UNC13C: variants seen among roughly 807,000 people sequenced by gnomAD.
UNC13C encodes unc-13 homolog C.
Under a neutral mutation model 245.4 loss-of-function variants are expected in UNC13C, and 174 were observed. That is an observed-to-expected ratio of 0.71 (90% CI 0.63 to 0.80). The LOEUF (loss-of-function observed/expected upper bound fraction) is 0.80. Among genes scored for constraint, UNC13C ranks in the 30% least tolerant of loss-of-function variants. The pLI is 0.00. For missense variants in UNC13C, 2,829 were observed against 2,602.9 expected (o/e 1.09, Z -1.89); for synonymous variants, 992 against 895.1 (o/e 1.11, Z -1.93).
At chr15:54,600,485 C>T (rs559558160) in intron 30 of UNC13C, among the ~76,000 whole-genome samples, 10 of 152,168 alleles carry the variant, frequency 6.6e-5, no homozygotes, top group South Asian at 4.2e-4. Context: ...ACAAGATGAG[C>T]TCAGCTAGAT....
intron 2 of UNC13C, among the ~76,000 whole-genome samples, chr15:54,064,853 G>A (rs1425707473): frequency 1.3e-5 from 2 of 152,198 alleles, no homozygotes; most frequent in African/African-American, 4.8e-5. Flanking sequence ...CCATCATCAT[G>A]TAAGAAAGCT....
At chr15:53,952,715 T>G in the UNC13C span, among the ~76,000 whole-genome samples, 1 of 152,194 alleles carries the variant, frequency 6.6e-6, no homozygotes, top group South Asian at 2.1e-4. Flanking sequence ...TGGCACTTGA[T>G]TGAAGCTAGG....
chr15:54,370,376 C>CTAAA (rs1228871146), intron 17 of UNC13C, among the ~76,000 whole-genome samples: 1 of 152,086 alleles, frequency 6.6e-6, no homozygotes, highest in Non-Finnish European at 1.5e-5. Flanking sequence ...ATTTAGTTCA[C>CTAAA]TAAATACCTC....
intron 2 of UNC13C, among the ~76,000 whole-genome samples, chr15:54,111,144 C>T (rs76519667): frequency 0.021 from 3,175 of 152,264 alleles, 96 homozygotes; most frequent in African/African-American, 0.069. Context: ...TCACTTCTGA[C>T]TTTACTCTTG....
chr15:53,990,610 T>G lies in UNC13C; in HGVS notation c.-257+11683T>G, dbSNP rs531562156. 1.7e-4 allele frequency among the ~76,000 whole-genome samples: 26 copies of G among 152,164 alleles called. No individual in the cohort carries two copies. In the South Asian group the frequency reaches 4.3e-3, roughly 25 times the overall value. ...AACCCCCTTCCAAAACCTAAAAAATTTCTTTATACTTTCGCTTTTATAGTT... is the reference window on the plus strand; with the variant it reads ...AACCCCCTTCCAAAACCTAAAAAATGTCTTTATACTTTCGCTTTTATAGTT... On this transcript the variant is annotated intron_variant, in intron 1 of 32. Coordinates refer to ENST00000260323, the MANE Select transcript of UNC13C (RefSeq NM_001080534.3).
At chr15:53,861,313 GT>G in the UNC13C span, among the ~76,000 whole-genome samples, 3 of 152,054 alleles carry the variant, frequency 2.0e-5, no homozygotes, top group Non-Finnish European at 4.4e-5. Flanking sequence ...TTATTATTCA[GT>G]CTTTGTGTTT....
intron 17 of UNC13C, among the ~76,000 whole-genome samples, chr15:54,350,175 A>C (rs2038950577): frequency 6.6e-6 from 1 of 152,126 alleles, no homozygotes; most frequent in Non-Finnish European, 1.5e-5. Context: ...TATTTTTAGT[A>C]CTGACGGGGT....
rs192111710 is a variant in UNC13C, at chr15:54,370,632, A to C, written c.4714-22416A>C. Among the ~76,000 whole-genome samples the C allele has an allele frequency of 2.1e-3, 313 of 152,244 alleles. 1 individual carries two copies. The highest frequency in any genetic ancestry group is 2.9e-4 in the Non-Finnish European group (20 of 67,980). ...ATAAAACATGAATATGGTATTTTCT[A>C]GCTGATCATTCTGATTTCTAATCTG... On this transcript the variant is annotated intron_variant, in intron 17 of 32. Coordinates refer to ENST00000260323, the MANE Select transcript of UNC13C (RefSeq NM_001080534.3).
intron 30 of UNC13C, among the ~76,000 whole-genome samples, chr15:54,602,198 T>A (rs932449439): frequency 2.6e-5 from 4 of 152,226 alleles, no homozygotes; most frequent in African/African-American, 9.6e-5. Context: ...CATGGAGTTG[T>A]GCAGCCTGGA....
At chr15:53,939,351 C>T in the UNC13C span, among the ~76,000 whole-genome samples, 1 of 152,076 alleles carries the variant, frequency 6.6e-6, no homozygotes, top group Non-Finnish European at 1.5e-5. Context: ...AATAAATACT[C>T]TACCAACCAA....
intron 25 of UNC13C, among the ~76,000 whole-genome samples, chr15:54,532,090 G>A (rs895350128): frequency 6.6e-6 from 1 of 152,086 alleles, no homozygotes; most frequent in Non-Finnish European, 1.5e-5. Flanking sequence ...TGTGTCACAG[G>A]GGTTTGTTAT....
At chr15:54,556,639 TA>T (rs1357588730) in intron 29 of UNC13C, among the ~76,000 whole-genome samples, 1 of 151,938 alleles carries the variant, frequency 6.6e-6, no homozygotes, top group African/African-American at 2.4e-5. Context: ...AGAAATACAA[TA>T]AAAAACTTTA....
At chr15:53,907,451 G>A in the UNC13C span, among the ~76,000 whole-genome samples, 1 of 152,182 alleles carries the variant, frequency 6.6e-6, no homozygotes, top group South Asian at 2.1e-4. Context: ...TAATAGAATA[G>A]ATGATGTATG....
chr15:54,038,124 A>AAAAATTTTTTTTTTT (rs1555406259), intron 2 of UNC13C, among the ~76,000 whole-genome samples: 7 of 45,034 alleles, frequency 1.6e-4, no homozygotes, highest in African/African-American at 6.3e-4. Context: ...ATATATATAT[A>AAAAATTTTTTTTTTT]TTTTTTTTTT....
chr15:54,196,283 G>T (rs924141307), intron 4 of UNC13C, among the ~76,000 whole-genome samples: 6 of 151,974 alleles, frequency 3.9e-5, no homozygotes, highest in Non-Finnish European at 8.8e-5. Context: ...CAACTGTTCT[G>T]GGGCAAATGC....
chr15:54,392,640 C>G (rs908790134), intron 17 of UNC13C, among the ~76,000 whole-genome samples: 4 of 151,846 alleles, frequency 2.6e-5, no homozygotes, highest in Non-Finnish European at 4.4e-5. Context: ...CATACACACA[C>G]GCACACACAA....
intron 19 of UNC13C, among the ~76,000 whole-genome samples, chr15:54,448,488 T>A (rs1185448191): frequency 6.6e-6 from 1 of 152,208 alleles, no homozygotes; most frequent in Non-Finnish European, 1.5e-5. Flanking sequence ...TTTAGGATAG[T>A]TAGCTCTTCT....
chr15:54,296,622 T>C (rs2037443165), intron 11 of UNC13C, among the ~76,000 whole-genome samples: 1 of 152,116 alleles, frequency 6.6e-6, no homozygotes, highest in Non-Finnish European at 1.5e-5. Flanking sequence ...GCAACACAAA[T>C]GACGATTAAA....
the UNC13C span, among the ~76,000 whole-genome samples, chr15:53,877,058 G>A: frequency 6.6e-6 from 1 of 152,126 alleles, no homozygotes; most frequent in South Asian, 2.1e-4. Flanking sequence ...AACTTTAGTA[G>A]GTAAGTTGGG....
Sources: gnomAD v4.1 joint callset for allele counts (sites outside exome capture counted in the v4.1 genomes callset) on GRCh38, gnomAD v4.1.1 for gene constraint, MANE v1.5 for transcripts, NCBI Gene and HGNC (gene_info 2026-07-23, HGNC 2026-07-21) for gene names.